Variants in ANK1 observed in about 807,000 individuals in gnomAD.
ANK1 encodes the protein ankyrin 1.
ANK1 carries 51 observed loss-of-function variants against 210.4 expected under a neutral mutation model. The ratio of observed to expected loss-of-function variants is 0.24; its 90% CI spans 0.19 to 0.31. ANK1 has a LOEUF of 0.31. Ranked by LOEUF, ANK1 falls within the 10% of genes least tolerant of loss-of-function variation. ANK1 has a pLI of 1.00. For synonymous variants in ANK1, 967 were observed against 1,025.9 expected (o/e 0.94, Z 1.10); for missense variants, 2,051 against 2,504.4 (o/e 0.82, Z 3.86).
At chr8:41,715,554 G>C (rs1827389155) in intron 14 of ANK1, 98 bp downstream of exon 14, 1 of 1,450,974 alleles carries the variant, frequency 6.9e-7, no homozygotes, top group African/African-American at 1.4e-5. Flanking sequence ...CAGCATCATT[G>C]AGGTGACAAA....
chr8:41,667,477 G>A (rs1475841943), intron 39 of ANK1, among the ~76,000 whole-genome samples: 5 of 152,182 alleles, frequency 3.3e-5, no homozygotes, highest in Non-Finnish European at 7.3e-5. Flanking sequence ...CCATTAATAC[G>A]ATGGCCAGGA....
At chr8:41,802,850 C>T (rs1850100415) in intron 1 of ANK1, among the ~76,000 whole-genome samples, 1 of 145,742 alleles carries the variant, frequency 6.9e-6, no homozygotes. Context: ...GTCATTGAGG[C>T]CGCAGTGAGC....
chr8:41,666,090 TG>T (rs1475131409), intron 39 of ANK1, among the ~76,000 whole-genome samples: 1 of 152,178 alleles, frequency 6.6e-6, no homozygotes, highest in African/African-American at 2.4e-5. Context: ...TCACCTACTG[TG>T]GGGTCTTGGG....
At chr8:41,822,103 AGAGAGAGAG>A (rs1563844992) in intron 1 of ANK1, among the ~76,000 whole-genome samples, 3 of 36,238 alleles carry the variant, frequency 8.3e-5, no homozygotes, top group East Asian at 3.3e-4. Flanking sequence ...AGAGAGAGAG[AGAGAGAGAG>A]AGAAAGAAAG....
chr8:41,869,541 C>T (rs1370528287), intron 1 of ANK1, among the ~76,000 whole-genome samples: 2 of 152,166 alleles, frequency 1.3e-5, no homozygotes, highest in Admixed American at 6.5e-5. Context: ...GATCGTACCA[C>T]TGCATTCCAG....
At chr8:41,839,270 C>T (rs1335965618) in intron 1 of ANK1, among the ~76,000 whole-genome samples, 1 of 152,206 alleles carries the variant, frequency 6.6e-6, no homozygotes, top group Non-Finnish European at 1.5e-5. Context: ...GATCTGAGGA[C>T]TCTGCATGCA....
intron 1 of ANK1, among the ~76,000 whole-genome samples, chr8:41,807,203 T>C (rs1317652158): frequency 6.6e-6 from 1 of 152,174 alleles, no homozygotes; most frequent in Non-Finnish European, 1.5e-5. Context: ...TATTCACTCA[T>C]GACTCCAGCA....
intron 2 of ANK1, among the ~76,000 whole-genome samples, chr8:41,735,005 A>T (rs1354086805): frequency 6.6e-6 from 1 of 152,220 alleles, no homozygotes; most frequent in African/African-American, 2.4e-5. Context: ...AAAAACAAAC[A>T]AACAAACAAA....
intron 1 of ANK1, among the ~76,000 whole-genome samples, chr8:41,763,845 G>A (rs1841018470): frequency 6.9e-6 from 1 of 145,586 alleles, no homozygotes. Context: ...AAGTGCAATT[G>A]CTAAAGCTTT....
intron 1 of ANK1, among the ~76,000 whole-genome samples, chr8:41,822,624 G>T (rs899513405): frequency 6.6e-6 from 1 of 152,136 alleles, no homozygotes; most frequent in African/African-American, 2.4e-5. Context: ...ACTTCTTTCT[G>T]CATCCTTGTA....
intron 1 of ANK1, among the ~76,000 whole-genome samples, chr8:41,788,249 C>T (rs1200836027): frequency 1.3e-5 from 2 of 152,204 alleles, no homozygotes; most frequent in Admixed American, 6.5e-5. Flanking sequence ...TTGTGACTGA[C>T]TTGCCTTTTA....
At chr8:41,815,005 G>A (rs1334077768) in intron 1 of ANK1, among the ~76,000 whole-genome samples, 1 of 152,040 alleles carries the variant, frequency 6.6e-6, no homozygotes, top group Non-Finnish European at 1.5e-5. Flanking sequence ...GAGAAATCCC[G>A]AAGTTATTTC....
At position 41,699,902 on chromosome 8, in the gene ANK1, C is replaced by T. The variant is rs189114711; in HGVS notation, c.2462-354G>A. The stretch of plus-strand genomic sequence containing the variant: ...ACTGCTCTTTTCCACTCCACACCAA[C>T]AGAAGAATAAATTACAGTGGAACTG... On this transcript the variant is annotated intron_variant, in intron 22 of 42. Coordinates refer to ENST00000289734, the MANE Select transcript of ANK1 (RefSeq NM_000037.4). Among the ~76,000 whole-genome samples the T allele has an allele frequency of 1.4e-4, 22 of 152,374 alleles. No homozygotes were observed. In the South Asian group the frequency reaches 3.9e-3, roughly 27 times the overall value.
At chr8:41,800,192 C>G (rs1455104934), upstream of ANK1, among the ~76,000 whole-genome samples, 1 of 152,116 alleles carries the variant, frequency 6.6e-6, no homozygotes, top group Admixed American at 6.5e-5. Flanking sequence ...CTTCACAAGC[C>G]CCCACCCTTT....
intron 31 of ANK1, 90 bp downstream of exon 31, chr8:41,692,557 GA>G: frequency 7.7e-7 from 1 of 1,304,820 alleles, no homozygotes; most frequent in Non-Finnish European, 1.1e-6. Flanking sequence ...TCTACAGAGG[GA>G]GGACTGCCTG....
chr8:41,803,035 A>G (rs1371877865), intron 1 of ANK1, among the ~76,000 whole-genome samples: 1 of 87,032 alleles, frequency 1.1e-5, no homozygotes, highest in African/African-American at 5.0e-5. Context: ...GAAAGAAAGA[A>G]AGAAAGAGAA....
intron 35 of ANK1, among the ~76,000 whole-genome samples, 195 bp from the exon 36 acceptor site, chr8:41,686,478 C>T (rs1381587586): frequency 2.0e-5 from 3 of 152,158 alleles, no homozygotes; most frequent in African/African-American, 4.8e-5. Flanking sequence ...GCACCTATAC[C>T]TTTATGTCCC....
chr8:41,850,623 G>T (rs554057224), intron 1 of ANK1, among the ~76,000 whole-genome samples: 1 of 152,174 alleles, frequency 6.6e-6, no homozygotes, highest in East Asian at 1.9e-4. Context: ...TGGGACTACA[G>T]GTATGAGCCA....
At chr8:41,659,434 G>A (rs533148376) in intron 42 of ANK1, among the ~76,000 whole-genome samples, 21 of 152,330 alleles carry the variant, frequency 1.4e-4, no homozygotes, top group African/African-American at 4.3e-4. Flanking sequence ...GCCAAAGCAC[G>A]GTGAGTGCCA....
Sources: gnomAD v4.1 joint callset for allele counts (sites outside exome capture counted in the v4.1 genomes callset) on GRCh38, gnomAD v4.1.1 for gene constraint, MANE v1.5 for transcripts, NCBI Gene and HGNC (gene_info 2026-07-23, HGNC 2026-07-21) for gene names.